Variants in MID1 observed in about 807,000 individuals in gnomAD.
MID1 encodes the protein midline 1.
In MID1, 7 loss-of-function variants were observed where a neutral mutation model predicts 40.4. That is an observed-to-expected ratio of 0.17 (90% CI 0.10 to 0.33). MID1 has a LOEUF of 0.33. Ranked by LOEUF, MID1 falls within the 10% of genes least tolerant of loss-of-function variation. The pLI is 1.00. For missense variants in MID1, 367 were observed against 558.5 expected, an observed-to-expected ratio of 0.66 and a Z score of 3.46; for synonymous variants, 229 against 221.2, an observed-to-expected ratio of 1.04 and a Z score of -0.31.
At chrX:10,489,706 T>A (rs1356225548) in intron 4 of MID1, among the ~76,000 whole-genome samples, 2 of 107,635 alleles carry the variant, frequency 1.9e-5, no homozygotes, top group Non-Finnish European at 3.9e-5. Flanking sequence ...GTTTTTTTTT[T>A]TTTTTTTGAG....
At chrX:10,666,220 C>T (rs1421109734) in intron 1 of MID1, among the ~76,000 whole-genome samples, 1 of 110,994 alleles carries the variant, frequency 9.0e-6, no homozygotes, top group Non-Finnish European at 1.9e-5. Flanking sequence ...AGATGAAGGT[C>T]TTAGCAAGTG....
At chrX:10,480,576 G>A (rs1930265070) in intron 5 of MID1, among the ~76,000 whole-genome samples, 1 of 112,199 alleles carries the variant, frequency 8.9e-6, no homozygotes, top group South Asian at 3.7e-4. Context: ...GTACACTGGA[G>A]TATTAGTGCT....
chrX:10,454,749 G>T, intron 9 of MID1, 121 bp downstream of exon 9: 1 of 614,962 alleles, frequency 1.6e-6, no homozygotes, highest in South Asian at 2.4e-5. Flanking sequence ...AGCAAGAGCT[G>T]ACTAATACAA....
chrX:10,657,916 A>C (rs1456751847), intron 1 of MID1, among the ~76,000 whole-genome samples: 1 of 112,206 alleles, frequency 8.9e-6, no homozygotes. Context: ...GAATTAGTAC[A>C]GAAGCAGAGA....
At chrX:10,462,366 A>C (rs1314107330) in intron 7 of MID1, among the ~76,000 whole-genome samples, 2 of 111,941 alleles carry the variant, frequency 1.8e-5, no homozygotes, top group African/African-American at 3.2e-5. Context: ...TGTTGGTCTT[A>C]CGCCAGCACC....
At chrX:10,664,087 A>G (rs1403407073) in intron 1 of MID1, among the ~76,000 whole-genome samples, 1 of 110,613 alleles carries the variant, frequency 9.0e-6, no homozygotes, top group Non-Finnish European at 1.9e-5. Flanking sequence ...AGGAATGCAA[A>G]ACTATGGTTT....
intron 1 of MID1, among the ~76,000 whole-genome samples, chrX:10,699,007 T>C (rs2043178548): frequency 8.9e-6 from 1 of 112,222 alleles, no homozygotes; most frequent in South Asian, 3.7e-4. Context: ...TTCCTTTCAC[T>C]TGTTATTTTT....
At chrX:10,820,027 T>G (rs1306085119) in intron 1 of MID1, among the ~76,000 whole-genome samples, 1 of 112,005 alleles carries the variant, frequency 8.9e-6, no homozygotes, top group Non-Finnish European at 1.9e-5. Context: ...GTTTCATGGC[T>G]CTCATGTTCT....
At chrX:10,511,523 A>G (rs1932159051) in intron 3 of MID1, among the ~76,000 whole-genome samples, 1 of 111,300 alleles carries the variant, frequency 9.0e-6, no homozygotes, top group Non-Finnish European at 1.9e-5. Flanking sequence ...AGCTAGGACT[A>G]CAGGCAAGAA....
chrX:10,783,293 T>C (rs999841308), intron 1 of MID1, among the ~76,000 whole-genome samples: 4 of 111,564 alleles, frequency 3.6e-5, no homozygotes, highest in Non-Finnish European at 7.5e-5. Context: ...CGCACTTTCA[T>C]ACCAGTCTAT....
chrX:10,468,079 C>T (rs1407573071), intron 7 of MID1, among the ~76,000 whole-genome samples: 1 of 111,987 alleles, frequency 8.9e-6, no homozygotes, highest in Non-Finnish European at 1.9e-5. Context: ...TTCTATATTC[C>T]CTACTGACTC....
chrX:10,507,757 G>A (rs1028210446), intron 3 of MID1, among the ~76,000 whole-genome samples: 1 of 112,242 alleles, frequency 8.9e-6, no homozygotes, highest in African/African-American at 3.2e-5. Context: ...GAAATGTTTC[G>A]CACCAAAAAC....
chrX:10,693,630 G>A (rs1341228010), intron 1 of MID1, among the ~76,000 whole-genome samples: 1 of 111,666 alleles, frequency 9.0e-6, no homozygotes, highest in East Asian at 2.8e-4. Context: ...CATAGCTTGA[G>A]TACATCTATT....
At chrX:10,550,351 G>T (rs1933858942) in intron 2 of MID1, among the ~76,000 whole-genome samples, 1 of 112,239 alleles carries the variant, frequency 8.9e-6, no homozygotes, top group Non-Finnish European at 1.9e-5. Context: ...CATGTTTTGG[G>T]AAGGGATTAA....
Position 10,461,966 on chromosome X carries a change from A to AAAGC in MID1, c.1286-2163_1286-2160dup, listed in dbSNP as rs936542910. 8.8e-4 allele frequency among the ~76,000 whole-genome samples: 99 copies of AAAGC among 112,316 alleles called. 1 individual carries two copies. The highest frequency in any genetic ancestry group is 3.1e-3 in the African/African-American group (96 of 30,945). Reference sequence around the variant, plus strand: ...GGGGGAACGCTTTCAGTAACATCATAAAGCAGATGTCTGAAATTGCTGAAA... The same window carrying AAAGC: ...GGGGGAACGCTTTCAGTAACATCATAAAGCAAGCAGATGTCTGAAATTGCTGAAA... On this transcript the variant is annotated intron_variant, in intron 7 of 9. Transcript: ENST00000317552.
intron 1 of MID1, among the ~76,000 whole-genome samples, chrX:10,765,731 G>A (rs1349214767): frequency 9.0e-6 from 1 of 110,632 alleles, no homozygotes; most frequent in East Asian, 2.8e-4. Flanking sequence ...GTTTTTAAAA[G>A]CTCACTTCCC....
intron 1 of MID1, among the ~76,000 whole-genome samples, chrX:10,592,467 T>G (rs189592300): frequency 1.2e-3 from 132 of 109,296 alleles, no homozygotes; most frequent in Non-Finnish European, 2.0e-3. Flanking sequence ...TTGCTCCATT[T>G]CTTGAAAAAT....
intron 1 of MID1, among the ~76,000 whole-genome samples, chrX:10,755,604 TCGACAG>T (rs1358738883): frequency 8.9e-6 from 1 of 112,226 alleles, no homozygotes; most frequent in Non-Finnish European, 1.9e-5. Flanking sequence ...GGGGTCGTTA[TCGACAG>T]CATAAAAGCT....
At chrX:10,669,240 A>T (rs1053927660) in intron 1 of MID1, among the ~76,000 whole-genome samples, 13 of 106,108 alleles carry the variant, frequency 1.2e-4, no homozygotes, top group Admixed American at 2.0e-4. Context: ...TAAAAAAAAA[A>T]AAAAAAAAAA....
Sources: gnomAD v4.1 joint callset for allele counts (sites outside exome capture counted in the v4.1 genomes callset) on GRCh38, gnomAD v4.1.1 for gene constraint, MANE v1.5 for transcripts, NCBI Gene and HGNC (gene_info 2026-07-23, HGNC 2026-07-21) for gene names.